Variants in GUCA1C observed in about 807,000 individuals in gnomAD.
GUCA1C encodes the protein guanylate cyclase activator 1C.
GUCA1C carries 15 observed loss-of-function variants against 16.2 expected under a neutral mutation model. That is an observed-to-expected ratio of 0.93 (90% CI 0.62 to 1.43). The LOEUF (loss-of-function observed/expected upper bound fraction) is 1.43, where lower values mean the gene tolerates loss of function less well. Ranked by LOEUF, GUCA1C falls within the 40% of genes most tolerant of loss-of-function variation. The pLI is 0.00. For synonymous variants in GUCA1C, 78 were observed against 85.4 expected (o/e 0.91, Z 0.48); for missense variants, 275 against 244.8 (o/e 1.12, Z -0.82).
intron 1 of GUCA1C, among the ~76,000 whole-genome samples, chr3:108,934,808 CTTTTTTTT>C (rs71629371): frequency 9.3e-5 from 8 of 86,112 alleles, no homozygotes; most frequent in African/African-American, 4.8e-5. Context: ...TGTTCTTGAT[CTTTTTTTT>C]TTTTTTTTTT....
intron 2 of GUCA1C, among the ~76,000 whole-genome samples, chr3:108,916,698 G>T (rs956354858): frequency 3.3e-5 from 5 of 152,154 alleles, no homozygotes; most frequent in Non-Finnish European, 7.3e-5. Flanking sequence ...ATTGACTGGG[G>T]AGACAGATAT....
At chr3:108,931,720 A>G (rs771250554) in intron 1 of GUCA1C, among the ~76,000 whole-genome samples, 5 of 152,152 alleles carry the variant, frequency 3.3e-5, no homozygotes, top group East Asian at 1.9e-4. Flanking sequence ...CAGTTCATCT[A>G]TGGATTTCAA....
rs1487491660 is a variant in GUCA1C at position 108,916,079 on chromosome 3, TCTCCTA to T, written c.442+42_442+47del. ...TAAATAACACTCCCCACTACCACCA[TCTCCTA>T]CTTTGTAGGAAAAGTGATCCAGTAG... On this transcript the variant is annotated intron_variant, in intron 3 of 3. Transcript: ENST00000261047. The T allele has an allele frequency of 1.9e-6, 3 of 1,608,824 alleles. No homozygotes were observed. The African/African-American group carries it at 4.0e-5, about 22-fold the overall frequency.
At chr3:108,919,755 C>A (rs7633206) in intron 2 of GUCA1C, among the ~76,000 whole-genome samples, 51,543 of 151,924 alleles carry the variant, frequency 0.34, 8,958 homozygotes, top group African/African-American at 0.38. Flanking sequence ...TGGACCAGAT[C>A]ATTTCTAAGA....
chr3:108,925,278 T>C (rs1946613142), intron 1 of GUCA1C, among the ~76,000 whole-genome samples: 1 of 152,212 alleles, frequency 6.6e-6, no homozygotes, highest in Non-Finnish European at 1.5e-5. Flanking sequence ...AGTTTCCTCT[T>C]AGCACCACTT....
intron 1 of GUCA1C, 65 bp downstream of exon 1, chr3:108,953,494 A>C: frequency 1.8e-6 from 2 of 1,133,240 alleles, no homozygotes; most frequent in Non-Finnish European, 2.6e-6. Flanking sequence ...ACAGGAAAAA[A>C]AAAAAAAAGG....
intron 1 of GUCA1C, among the ~76,000 whole-genome samples, chr3:108,945,181 A>G (rs976820610): frequency 2.0e-5 from 3 of 152,256 alleles, no homozygotes; most frequent in African/African-American, 7.2e-5. Context: ...TTAGGTGAGA[A>G]TAGTGCAGTC....
At chr3:108,925,193 G>A (rs1027906546) in intron 1 of GUCA1C, among the ~76,000 whole-genome samples, 3 of 151,424 alleles carry the variant, frequency 2.0e-5, no homozygotes, top group Admixed American at 6.6e-5. Context: ...GATTAATCAC[G>A]TTTATCCAGT....
chr3:108,924,804 G>A (rs1018596460), intron 1 of GUCA1C, among the ~76,000 whole-genome samples: 8 of 151,884 alleles, frequency 5.3e-5, no homozygotes, highest in Non-Finnish European at 1.2e-4. Flanking sequence ...TTTCAATCTT[G>A]CTGCTTGTTA....
intron 2 of GUCA1C, among the ~76,000 whole-genome samples, chr3:108,920,086 T>A (rs1946555142): frequency 6.6e-6 from 1 of 152,212 alleles, no homozygotes; most frequent in African/African-American, 2.4e-5. Flanking sequence ...ATGTCTCTTG[T>A]TAAATATATA....
intron 2 of GUCA1C, among the ~76,000 whole-genome samples, chr3:108,918,936 A>G (rs1383180569): frequency 6.6e-6 from 1 of 152,144 alleles, no homozygotes; most frequent in Non-Finnish European, 1.5e-5. Context: ...TGTGATATAA[A>G]TCACAGGACT....
rs570778366 is a variant in GUCA1C, at chr3:108,935,627, C to T, written c.205-15042G>A. ...AGGAGAATCGCTTGAACCTGGGAGG[C>T]GGAGGTTACAGTGAGCCAAGATTGC... On this transcript the variant is annotated intron_variant, in intron 1 of 3. Transcript: ENST00000261047. 5.9e-5 allele frequency among the ~76,000 whole-genome samples: 9 copies of T among 151,978 alleles called. No individual in the cohort carries two copies. The East Asian group carries it at 7.8e-4, about 13-fold the overall frequency.
chr3:108,940,747 G>A (rs909449390), intron 1 of GUCA1C, among the ~76,000 whole-genome samples: 1 of 152,228 alleles, frequency 6.6e-6, no homozygotes, highest in African/African-American at 2.4e-5. Context: ...GCTGAGGTCA[G>A]AGTTATCTGC....
intron 1 of GUCA1C, among the ~76,000 whole-genome samples, chr3:108,948,934 G>A (rs528443816): frequency 5.3e-5 from 8 of 150,704 alleles, no homozygotes; most frequent in Non-Finnish European, 7.4e-5. Context: ...TGCAACTTCC[G>A]CCTCCCAGGT....
chr3:108,948,786 G>A (rs1946868876), intron 1 of GUCA1C, among the ~76,000 whole-genome samples: 1 of 150,894 alleles, frequency 6.6e-6, no homozygotes, highest in Non-Finnish European at 1.5e-5. Flanking sequence ...TATGCTGTAG[G>A]TTGATGTCTT....
intron 3 of GUCA1C, among the ~76,000 whole-genome samples, chr3:108,913,030 T>A (rs1212811412): frequency 1.3e-5 from 2 of 152,166 alleles, no homozygotes; most frequent in African/African-American, 4.8e-5. Context: ...ATTTCACAAC[T>A]GTTGTGTATT....
At chr3:108,937,115 T>C (rs898673980) in intron 1 of GUCA1C, among the ~76,000 whole-genome samples, 1 of 152,184 alleles carries the variant, frequency 6.6e-6, no homozygotes, top group African/African-American at 2.4e-5. Flanking sequence ...TTCATCCTTG[T>C]CCAGCCTCAA....
chr3:108,934,808 CTT>C (rs71629371), intron 1 of GUCA1C, among the ~76,000 whole-genome samples: 2 of 86,110 alleles, frequency 2.3e-5, no homozygotes, highest in South Asian at 5.0e-4. Context: ...TGTTCTTGAT[CTT>C]TTTTTTTTTT....
chr3:108,923,708 G>T (rs1170296044), intron 1 of GUCA1C, among the ~76,000 whole-genome samples: 1 of 152,014 alleles, frequency 6.6e-6, no homozygotes, highest in Non-Finnish European at 1.5e-5. Context: ...GTATTTTGAT[G>T]GGAGTTGCGT....
Sources: gnomAD v4.1 joint callset for allele counts (sites outside exome capture counted in the v4.1 genomes callset) on GRCh38, gnomAD v4.1.1 for gene constraint, MANE v1.5 for transcripts, NCBI Gene and HGNC (gene_info 2026-07-23, HGNC 2026-07-21) for gene names.